Variants in PARP12 observed in about 807,000 individuals in gnomAD.
PARP12 encodes protein mono-ADP-ribosyltransferase PARP12.
PARP12 carries 59 observed loss-of-function variants against 72.4 expected under a neutral mutation model. That is an observed-to-expected ratio of 0.81 (90% CI 0.66 to 1.01). The LOEUF (loss-of-function observed/expected upper bound fraction) is 1.01, where lower values mean the gene tolerates loss of function less well. Among genes scored for constraint, PARP12 ranks in the 50% least tolerant of loss-of-function variants. PARP12 has a pLI of 0.00. For synonymous variants in PARP12, 403 were observed against 371.4 expected, an observed-to-expected ratio of 1.09 and a Z score of -0.98; for missense variants, 851 against 914.0, an observed-to-expected ratio of 0.93 and a Z score of 0.89.
intron 1 of PARP12, among the ~76,000 whole-genome samples, chr7:140,059,895 G>A (rs1283592683): frequency 6.6e-6 from 1 of 152,200 alleles, no homozygotes. Flanking sequence ...CATGCTGGAT[G>A]GCATAAAGCC....
intron 11 of PARP12, among the ~76,000 whole-genome samples, chr7:140,025,917 T>C (rs961602736): frequency 6.6e-6 from 1 of 152,178 alleles, no homozygotes; most frequent in Non-Finnish European, 1.5e-5. Flanking sequence ...TCCCCTCTCC[T>C]CTCCCGTCTC....
At chr7:140,034,358 AATATAC>A (rs746152764) in intron 7 of PARP12, 27 bp from the exon 8 acceptor site, 32 of 1,557,046 alleles carry the variant, frequency 2.1e-5, no homozygotes, top group African/African-American at 9.5e-5. Context: ...CCAGTGAAAA[AATATAC>A]ATATACATAT....
chr7:140,042,691 T>G (rs1274151013), intron 5 of PARP12, among the ~76,000 whole-genome samples: 1 of 152,168 alleles, frequency 6.6e-6, no homozygotes, highest in Non-Finnish European at 1.5e-5. Flanking sequence ...TGCAAAGACA[T>G]CTGGCAAGGA....
chr7:140,031,065 T>G (rs530471411), intron 8 of PARP12, among the ~76,000 whole-genome samples: 54 of 152,352 alleles, frequency 3.5e-4, no homozygotes, highest in African/African-American at 8.2e-4. Flanking sequence ...TTACTTGTAC[T>G]TAAGTGAAGA....
chr7:140,030,202 G>A (rs1815886987), intron 8 of PARP12, among the ~76,000 whole-genome samples: 1 of 152,196 alleles, frequency 6.6e-6, no homozygotes, highest in African/African-American at 2.4e-5. Flanking sequence ...AACAGTGGAA[G>A]CCAGAATACA....
intron 3 of PARP12, 34 bp downstream of exon 3, chr7:140,056,822 C>A: frequency 6.5e-7 from 1 of 1,547,530 alleles, no homozygotes; most frequent in South Asian, 1.2e-5. Flanking sequence ...CTCCCGTGCT[C>A]CCCACCAGCC....
intron 1 of PARP12, among the ~76,000 whole-genome samples, chr7:140,061,992 G>C (rs917053635): frequency 2.0e-5 from 3 of 150,336 alleles, no homozygotes; most frequent in Non-Finnish European, 4.4e-5. Flanking sequence ...CCGGGGGGGG[G>C]GGGGTGTTCC....
chr7:140,048,634 C>A (rs890637141), intron 4 of PARP12, among the ~76,000 whole-genome samples: 1 of 152,142 alleles, frequency 6.6e-6, no homozygotes, highest in African/African-American at 2.4e-5. Flanking sequence ...TAAACACACA[C>A]ACATGCACAT....
intron 2 of PARP12, chr7:140,057,463 A>G: frequency 2.3e-6 from 1 of 429,114 alleles, no homozygotes. Flanking sequence ...CATCCTAAGG[A>G]CCTCTACAAT....
At chr7:140,045,676 C>G (rs1239002500) in intron 5 of PARP12, among the ~76,000 whole-genome samples, 1 of 151,806 alleles carries the variant, frequency 6.6e-6, no homozygotes, top group African/African-American at 2.4e-5. Flanking sequence ...AACGTCCAAA[C>G]TAGTAAAGGG....
chr7:140,034,061 G>T, intron 8 of PARP12, 174 bp downstream of exon 8: 1 of 1,296,602 alleles, frequency 7.7e-7, no homozygotes, highest in South Asian at 1.7e-5. Flanking sequence ...TACCCACAGG[G>T]TAATTCCCAC....
intron 10 of PARP12, 73 bp from the exon 11 acceptor site, chr7:140,026,421 C>T (rs2116511186): frequency 6.5e-7 from 1 of 1,540,630 alleles, no homozygotes; most frequent in Non-Finnish European, 8.7e-7. Context: ...TGATGCAAAA[C>T]AACACATTTT....
chr7:140,062,388 G>T, intron 1 of PARP12, 134 bp downstream of exon 1: 1 of 904,190 alleles, frequency 1.1e-6, no homozygotes, highest in African/African-American at 1.8e-5. Flanking sequence ...TCGCTTTAGT[G>T]AATGACGGTG....
chr7:140,039,568 C>T (rs1459790455), intron 6 of PARP12, among the ~76,000 whole-genome samples: 2 of 152,148 alleles, frequency 1.3e-5, no homozygotes, highest in Non-Finnish European at 2.9e-5. Flanking sequence ...GACAGATTCC[C>T]ACATGTCCTG....
At chr7:140,055,799 G>A (rs553264711) in intron 3 of PARP12, among the ~76,000 whole-genome samples, 1 of 152,232 alleles carries the variant, frequency 6.6e-6, no homozygotes, top group South Asian at 2.1e-4. Context: ...AAACATAATT[G>A]AAGACAATGT....
intron 5 of PARP12, among the ~76,000 whole-genome samples, chr7:140,044,463 A>G (rs1388334512): frequency 6.6e-6 from 1 of 152,202 alleles, no homozygotes; most frequent in African/African-American, 2.4e-5. Context: ...AAGGCATGCC[A>G]AGGATTTCTA....
chr7:140,041,653 A>C lies in PARP12; in HGVS notation c.1173T>G (p.Tyr391Ter), dbSNP rs531386688. 3 of 1,613,750 alleles carry C rather than the reference A, an allele frequency of 1.9e-6. No homozygotes were observed. The highest frequency in any genetic ancestry group is 1.7e-5 in the Admixed American group (1 of 59,966). Reference sequence around the variant, plus strand: ...TTTCCATCACACTTACCTGTCTTCCATATTCCTGCCAAGAACCAAACTCAT... The same window carrying C: ...TTTCCATCACACTTACCTGTCTTCCCTATTCCTGCCAAGAACCAAACTCAT... ...WSDEFGSWQE[Y>*]GRQGTVHPVT... The change falls in exon 6 of 12, where the codon TAT (tyrosine) becomes TAG (stop). Residue 391 changes from tyrosine (Y) to a stop codon, truncating the protein, a stop_gained. Transcript: ENST00000263549. LOFTEE classifies it high-confidence loss of function.
chr7:140,046,016 A>G (rs1816704426), intron 5 of PARP12, among the ~76,000 whole-genome samples: 1 of 152,166 alleles, frequency 6.6e-6, no homozygotes, highest in South Asian at 2.1e-4. Context: ...CTGGAAGGAG[A>G]TGGGGTGAGG....
intron 9 of PARP12, 95 bp downstream of exon 9, chr7:140,028,518 G>T: frequency 9.0e-7 from 1 of 1,110,090 alleles, no homozygotes; most frequent in Non-Finnish European, 1.2e-6. Flanking sequence ...CAGCCTTACA[G>T]CTTCTTCAGT....
Sources: gnomAD v4.1 joint callset for allele counts (sites outside exome capture counted in the v4.1 genomes callset) on GRCh38, gnomAD v4.1.1 for gene constraint, MANE v1.5 for transcripts, NCBI Gene and HGNC (gene_info 2026-07-23, HGNC 2026-07-21) for gene names.